The following LAG3 variants were observed in gnomAD, a reference collection of about 807,000 sequenced individuals.
LAG3 encodes lymphocyte activating 3, also known as lymphocyte activation gene 3 protein.
A neutral mutation model predicts 49.0 loss-of-function variants in LAG3; 29 were observed. The ratio of observed to expected loss-of-function variants is 0.59; its 90% CI spans 0.44 to 0.81. The LOEUF is 0.81. Among genes scored for constraint, LAG3 ranks in the 30% least tolerant of loss-of-function variants. LAG3 has a pLI of 0.00. For missense variants in LAG3, 693 were observed against 695.2 expected (o/e 1.00, Z 0.04); for synonymous variants, 320 against 297.3 (o/e 1.08, Z -0.79).
chr12:6,774,465 G>A (rs1941881374), intron 3 of LAG3, 130 bp from the exon 4 acceptor site: 3 of 1,007,430 alleles, frequency 3.0e-6, no homozygotes, highest in Admixed American at 2.6e-5. Context: ...ATGGGGAGAG[G>A]GTGATGTGGG....
chr12:6,778,132 G>C (rs2137811803), intron 7 of LAG3, 112 bp from the exon 8 acceptor site: 1 of 1,306,358 alleles, frequency 7.7e-7, no homozygotes, highest in African/African-American at 1.5e-5. Context: ...ACCAGATGGG[G>C]AGGGCAGGGG....
chr12:6,777,172 G>A, intron 5 of LAG3, 92 bp from the exon 6 acceptor site: 2 of 1,475,098 alleles, frequency 1.4e-6, no homozygotes, highest in Non-Finnish European at 9.4e-7. Flanking sequence ...GAACCCAAGT[G>A]AGTGCAGGGT....
chr12:6,774,537 T>C (rs1941882232), intron 3 of LAG3, 58 bp from the exon 4 acceptor site: 3 of 1,561,124 alleles, frequency 1.9e-6, no homozygotes, highest in Non-Finnish European at 1.7e-6. Context: ...TTGGCAGCCC[T>C]GCTGTGTTGG....
chr12:6,775,635 CCCACCCTGTGATGCCAGG>C, intron 5 of LAG3, 87 bp downstream of exon 5: 1 of 1,369,774 alleles, frequency 7.3e-7, no homozygotes, highest in South Asian at 1.3e-5. Context: ...ACTAGGCAAA[CCCACCCTGTGATGCCAGG>C]CCACTGGGCA....
rs1378597879 is a variant in LAG3 at position 6,773,983 on chromosome 12, C to A, written c.493C>A (p.Arg165Ser). Residue 165 changes from arginine (R) to serine (S), a missense_variant, in exon 3 of 8, where the codon CGC becomes AGC. Physicochemically the swap from Arg to Ser is moderately radical, Grantham distance 110. Transcript: ENST00000203629. The surrounding 1 kb of genome is among the most constrained non-coding windows in gnomAD (Gnocchi z 5.5). ...CGCCCTCTCCTGCCGCCTCCGTCTG[C>A]GCCTGGGCCAGGCCTCGAGTATGTG... is the stretch of plus-strand genomic sequence containing the variant. The part of the protein sequence containing the change: ...DRALSCRLRL[R>S]LGQASMTASP... 2 of 1,439,774 alleles carry A rather than the reference C, an allele frequency of 1.4e-6. No individual in the cohort carries two copies. Among genetic ancestry groups the A allele is most frequent in the South Asian group, 1.4e-5 (1 of 71,860 alleles). The allele number at this position is 1,439,774 out of a possible 1,614,324, so 89.2% of individuals were successfully genotyped here. A position where few individuals can be genotyped will look rare whatever the true frequency, so the allele number is the denominator to read the frequency against.
rs1941873017 is a variant in LAG3 at position 6,773,904 on chromosome 12, A to C, written c.414A>C (p.Pro138=). 7.2e-7 allele frequency: 1 copy of C among 1,383,512 alleles called. No individual in the cohort carries two copies. Among genetic ancestry groups the C allele is most frequent in the South Asian group, 1.6e-5 (1 of 61,848 alleles). 85.7% of individuals were successfully genotyped at this position (1,383,512 alleles called of 1,614,324 possible). A position where few individuals can be genotyped will look rare whatever the true frequency, so the allele number is the denominator to read the frequency against. The part of the protein sequence containing the change: ...QRGDFSLWLR[P]ARRADAGEYR... Reference sequence around the variant, plus strand: ...GGGACTTCTCGCTATGGCTGCGCCCAGCCCGGCGCGCGGACGCCGGCGAGT... The same window carrying C: ...GGGACTTCTCGCTATGGCTGCGCCCCGCCCGGCGCGCGGACGCCGGCGAGT... The change falls in exon 3 of 8, where the codon CCA becomes CCC. Residue 138 remains proline (P), a synonymous_variant. Transcript: ENST00000203629. The surrounding 1 kb of genome is among the most constrained non-coding windows in gnomAD (Gnocchi z 5.5).
chr12:6,778,099 AGG>A, intron 7 of LAG3, 143 bp from the exon 8 acceptor site: 1 of 1,309,974 alleles, frequency 7.6e-7, no homozygotes. Flanking sequence ...GTAGGCTGGA[AGG>A]GGGGTTGGGA....
intron 4 of LAG3, 72 bp from the exon 5 acceptor site, chr12:6,775,201 T>C: frequency 6.7e-7 from 1 of 1,496,964 alleles, no homozygotes; most frequent in Admixed American, 1.9e-5. Context: ...TCTGCCTCCC[T>C]TCCTTGCAGC....
chr12:6,777,559 C>T (rs569903123), intron 6 of LAG3, 53 bp downstream of exon 6: 2 of 1,589,140 alleles, frequency 1.3e-6, no homozygotes, highest in African/African-American at 1.3e-5. Context: ...AATCTTTATC[C>T]TCCTTCCAGA....
chr12:6,775,399 G>A lies in LAG3; in HGVS notation c.908G>A (p.Gly303Glu), dbSNP rs745430835. 3.7e-6 allele frequency: 6 copies of A among 1,614,228 alleles called. 1 individual carries two copies. The highest frequency in any genetic ancestry group is 2.2e-5 in the South Asian group (2 of 91,084). The change falls in exon 5 of 8, where the codon GGA (glycine) becomes GAA (glutamate). Residue 303 changes from glycine to glutamate, a missense_variant. Physicochemically the swap from Gly to Glu is moderately conservative, Grantham distance 98. Coordinates refer to ENST00000203629, the MANE Select transcript of LAG3 (RefSeq NM_002286.6). ...FLTAKWTPPG[G>E]GPDLLVTGDN... ...ACTGCCAAGTGGACTCCTCCTGGGG[G>A]AGGCCCTGACCTCCTGGTGACTGGA...
In LAG3 at chr12:6,778,351, A is replaced by T. The variant is rs749439413; in HGVS notation, c.1539A>T (p.Glu513Asp). Reference sequence around the variant, plus strand: ...AACCGGAGCCGGAGCCGGAGCCGGAACCGGAGCCCGAGCCCGAGCCCGAGC... The same window carrying T: ...AACCGGAGCCGGAGCCGGAGCCGGATCCGGAGCCCGAGCCCGAGCCCGAGC... ...EQEPEPEPEP[E>D]PEPEPEPEPE... Residue 513 changes from glutamate (E) to aspartate (D), a missense_variant, in exon 8 of 8, where the codon GAA becomes GAT. Transcript: ENST00000203629. 1.5e-5 allele frequency: 24 copies of T among 1,605,252 alleles called. No individual in the cohort carries two copies. The Admixed American group carries it at 1.7e-4, about 11-fold the overall frequency.
chr12:6,772,543 A>G lies in LAG3; in HGVS notation c.-310A>G. On this transcript the variant is annotated 5_prime_UTR_variant, in exon 1 of 8. Transcript: ENST00000203629. ...CCAGAGACCAGCAGAACGGCATCCC[A>G]GCCACGACGGCCACTTTGCTCTGTC... The G allele has an allele frequency of 3.1e-6, 1 of 324,462 alleles. No homozygotes were observed. The highest frequency in any genetic ancestry group is 5.7e-6 in the Non-Finnish European group (1 of 176,420). The allele number at this position is 324,462 out of a possible 1,614,324, so 20.1% of individuals were successfully genotyped here.
Position 6,773,063 on chromosome 12 carries a change from G to A in LAG3, c.59-129G>A, listed in dbSNP as rs934976472. On this transcript the variant is annotated intron_variant, in intron 1 of 7. Coordinates refer to ENST00000203629, the MANE Select transcript of LAG3 (RefSeq NM_002286.6). This position sits in a 1 kb window ranked among gnomAD's most constrained non-coding sequence, Gnocchi z 5.5. ...CCTTCCACCCCGAAAGCCTCTCTGG[G>A]CAGAGAAGAAACAGAAACCCAAGTT... 25 of 1,384,936 alleles carry A rather than the reference G, an allele frequency of 1.8e-5. No homozygotes were observed. In the South Asian group the frequency reaches 2.6e-4, roughly 15 times the overall value. The allele number at this position is 1,384,936 out of a possible 1,614,324, so 85.8% of individuals were successfully genotyped here.
intron 7 of LAG3, 154 bp downstream of exon 7, chr12:6,778,075 T>C (rs1844436209): frequency 7.4e-7 from 1 of 1,342,324 alleles, no homozygotes; most frequent in African/African-American, 1.4e-5. Flanking sequence ...ACTCCAGGGA[T>C]GGCTTGTGCC....
At chr12:6,774,327 C>T (rs1941879518) in intron 3 of LAG3, among the ~76,000 whole-genome samples, 1 of 152,128 alleles carries the variant, frequency 6.6e-6, no homozygotes, top group South Asian at 2.1e-4. Context: ...GTGGGCTTCG[C>T]GGGGTTCCAG....
chr12:6,775,707 C>T, intron 5 of LAG3, 159 bp downstream of exon 5: 1 of 668,458 alleles, frequency 1.5e-6, no homozygotes, highest in Non-Finnish European at 2.5e-6. Flanking sequence ...TTTTCTCACC[C>T]CCATAATAAA....
rs1882546 is a variant in LAG3, at chr12:6,774,314, G to A, written c.512-281G>A. Among the ~76,000 whole-genome samples, 3 of 152,158 alleles carry A rather than the reference G, an allele frequency of 2.0e-5. No homozygotes were observed. In the East Asian group the frequency reaches 5.8e-4, roughly 29 times the overall value. On this transcript the variant is annotated intron_variant, in intron 3 of 7. Transcript: ENST00000203629. The stretch of plus-strand genomic sequence containing the variant: ...TTCATTTCAGATATCTGTAGCTCAG[G>A]GGGTGGGCTTCGCGGGGTTCCAGGC...
At position 6,778,358 on chromosome 12, in the gene LAG3, CCCGAGCCCGAGCCCGAG is replaced by C; in HGVS notation, c.1550_1566del (p.Glu517GlyfsTer8). ...GCCGGAGCCGGAGCCGGAACCGGAG[CCCGAGCCCGAGCCCGAG>C]CCGGAGCAGCTCTGACCTGGAGCTG... On this transcript the variant is annotated frameshift_variant, in exon 8 of 8. Coordinates refer to ENST00000203629, the MANE Select transcript of LAG3 (RefSeq NM_002286.6). LOFTEE classifies it low-confidence loss of function (END_TRUNC). 1 of 1,611,124 alleles carries C rather than the reference CCCGAGCCCGAGCCCGAG, an allele frequency of 6.2e-7. No homozygotes were observed. Among genetic ancestry groups the C allele is most frequent in the Non-Finnish European group, 8.5e-7 (1 of 1,179,386 alleles).
In LAG3 at chr12:6,773,158, C is replaced by G. The variant is rs373335515; in HGVS notation, c.59-34C>G. The G allele has an allele frequency of 7.6e-6, 12 of 1,587,124 alleles. No individual in the cohort carries two copies. The South Asian group carries it at 1.1e-4, about 15-fold the overall frequency. ...CTCTACCCCTGCCTCTCGGCTCACG[C>G]CCCCTCCCCTTGGCCTCTCTTTTGC... On this transcript the variant is annotated intron_variant, in intron 1 of 7. Transcript: ENST00000203629. The surrounding 1 kb of genome is among the most constrained non-coding windows in gnomAD (Gnocchi z 5.5).
Sources: gnomAD v4.1 joint callset for allele counts (sites outside exome capture counted in the v4.1 genomes callset) on GRCh38, gnomAD v4.1.1 for gene constraint, Gnocchi (gnomAD v3.1) non-coding constraint, MANE v1.5 for transcripts, NCBI Gene and HGNC (gene_info 2026-07-23, HGNC 2026-07-21) for gene names.